RAPGEF5: variants seen among roughly 807,000 people sequenced by gnomAD.
RAPGEF5 encodes M-Ras-regulated GEF.
A neutral mutation model predicts 125.2 loss-of-function variants in RAPGEF5; 65 were observed. The ratio of observed to expected loss-of-function variants is 0.52; its 90% CI spans 0.43 to 0.64. The LOEUF is 0.64. Among genes scored for constraint, RAPGEF5 ranks in the 30% least tolerant of loss-of-function variants. The probability of loss-of-function intolerance (pLI) is 0.00; values close to 1 mark genes in which losing one functional copy is unlikely to be tolerated. For synonymous variants in RAPGEF5, 391 were observed against 385.9 expected (o/e 1.01, Z -0.16); for missense variants, 958 against 1,048.1 (o/e 0.91, Z 1.19).
At chr7:22,337,088 C>T (rs528989260) in intron 1 of RAPGEF5, among the ~76,000 whole-genome samples, 10 of 152,290 alleles carry the variant, frequency 6.6e-5, no homozygotes, top group South Asian at 4.1e-4. Flanking sequence ...GAGTATAATA[C>T]GCGTCAAGCT....
At chr7:22,137,853 A>AT in intron 21 of RAPGEF5, among the ~76,000 whole-genome samples, 1 of 152,176 alleles carries the variant, frequency 6.6e-6, no homozygotes, top group Non-Finnish European at 1.5e-5. Context: ...TATTTCTGGG[A>AT]TTTTTTGTTT....
At chr7:22,303,574 A>G (rs1342092322) in intron 5 of RAPGEF5, among the ~76,000 whole-genome samples, 4 of 152,210 alleles carry the variant, frequency 2.6e-5, no homozygotes, top group South Asian at 4.1e-4. Flanking sequence ...AAGACAGCAA[A>G]TTAGAGGGGC....
At chr7:22,193,294 C>A in intron 11 of RAPGEF5, 73 bp downstream of exon 11, 1 of 1,483,786 alleles carries the variant, frequency 6.7e-7, no homozygotes, top group African/African-American at 1.4e-5. Flanking sequence ...ACAGTGGGAA[C>A]CTTGCCCCTG....
chr7:22,149,269 C>T (rs956765380), intron 18 of RAPGEF5, among the ~76,000 whole-genome samples: 5 of 152,156 alleles, frequency 3.3e-5, no homozygotes, highest in African/African-American at 1.2e-4. Context: ...AAATGTCTTT[C>T]CAGTAGACAT....
chr7:22,328,510 T>C (rs924370806), intron 1 of RAPGEF5, among the ~76,000 whole-genome samples: 1 of 152,218 alleles, frequency 6.6e-6, no homozygotes, highest in Non-Finnish European at 1.5e-5. Flanking sequence ...TCAATTTTTG[T>C]ATATACAAAC....
At chr7:22,266,066 T>A (rs1367553003) in intron 7 of RAPGEF5, among the ~76,000 whole-genome samples, 1 of 152,150 alleles carries the variant, frequency 6.6e-6, no homozygotes, top group Non-Finnish European at 1.5e-5. Flanking sequence ...GTTCAAATAG[T>A]AACTGAGAAA....
intron 8 of RAPGEF5, among the ~76,000 whole-genome samples, chr7:22,226,667 G>C (rs1196006389): frequency 1.3e-5 from 2 of 152,138 alleles, no homozygotes; most frequent in Non-Finnish European, 2.9e-5. Flanking sequence ...GGAATCCCTA[G>C]GGAGTCACTG....
At chr7:22,269,269 A>G (rs113186356) in intron 6 of RAPGEF5, among the ~76,000 whole-genome samples, 1 of 151,928 alleles carries the variant, frequency 6.6e-6, no homozygotes, top group Non-Finnish European at 1.5e-5. Flanking sequence ...CAGACCACAC[A>G]CTGGGTAAGA....
At position 22,144,402 on chromosome 7, in the gene RAPGEF5, C is replaced by T. The variant is rs193090649; in HGVS notation, c.2186+642G>A. Among the ~76,000 whole-genome samples, 170 of 152,282 alleles carry T rather than the reference C, an allele frequency of 1.1e-3. 1 individual carries two copies. The highest frequency in any genetic ancestry group is 3.9e-3 in the African/African-American group (163 of 41,550). ...AAGTAGTACCCCTGCATTTGAAAAT[C>T]GGGTAACTTCAGGAAGGAAGGAATA... On this transcript the variant is annotated intron_variant, in intron 20 of 25. Coordinates refer to ENST00000665637, the MANE Select transcript of RAPGEF5 (RefSeq NM_012294.5).
At chr7:22,211,125 AAAC>A (rs1400572510) in intron 9 of RAPGEF5, among the ~76,000 whole-genome samples, 1 of 152,174 alleles carries the variant, frequency 6.6e-6, no homozygotes, top group Non-Finnish European at 1.5e-5. Flanking sequence ...TGCTATCTTA[AAAC>A]AACATTTAGG....
intron 9 of RAPGEF5, among the ~76,000 whole-genome samples, chr7:22,205,254 G>C (rs1038858541): frequency 1.3e-5 from 2 of 152,166 alleles, no homozygotes; most frequent in Non-Finnish European, 2.9e-5. Context: ...GTATTACAAA[G>C]TGACTACCGG....
At chr7:22,280,020 G>C (rs886431473) in intron 6 of RAPGEF5, among the ~76,000 whole-genome samples, 3 of 152,110 alleles carry the variant, frequency 2.0e-5, no homozygotes, top group African/African-American at 7.2e-5. Context: ...TTGGAAACAG[G>C]CCTCCCGAAA....
At chr7:22,127,361 C>T (rs1782781796) in intron 24 of RAPGEF5, among the ~76,000 whole-genome samples, 1 of 152,174 alleles carries the variant, frequency 6.6e-6, no homozygotes, top group South Asian at 2.1e-4. Context: ...CTTAAATGTA[C>T]AGCTGCTTTG....
intron 6 of RAPGEF5, among the ~76,000 whole-genome samples, chr7:22,278,142 G>A (rs913883748): frequency 6.6e-6 from 1 of 151,970 alleles, no homozygotes; most frequent in African/African-American, 2.4e-5. Flanking sequence ...ACTTTCTCCT[G>A]TTGTACCCAA....
At chr7:22,124,229 T>C (rs898787746) in intron 25 of RAPGEF5, among the ~76,000 whole-genome samples, 2 of 152,192 alleles carry the variant, frequency 1.3e-5, no homozygotes, top group African/African-American at 2.4e-5. Flanking sequence ...GAGACTGATA[T>C]CTTAGAATTA....
At chr7:22,260,385 AG>A in intron 7 of RAPGEF5, among the ~76,000 whole-genome samples, 1 of 152,262 alleles carries the variant, frequency 6.6e-6, no homozygotes, top group African/African-American at 2.4e-5. Context: ...GTGGGGCAGG[AG>A]GTATAAAGCA....
chr7:22,158,933 A>C (rs1783898202), intron 14 of RAPGEF5, among the ~76,000 whole-genome samples: 1 of 152,212 alleles, frequency 6.6e-6, no homozygotes, highest in Non-Finnish European at 1.5e-5. Context: ...TGTGCCTGCC[A>C]AGAATCATTT....
At chr7:22,340,435 A>T (rs1234078902) in intron 1 of RAPGEF5, among the ~76,000 whole-genome samples, 6 of 152,212 alleles carry the variant, frequency 3.9e-5, no homozygotes, top group Non-Finnish European at 8.8e-5. Flanking sequence ...CTGAAGACCA[A>T]ACCAGAGAAG....
At chr7:22,237,627 C>T (rs1786226919) in intron 7 of RAPGEF5, among the ~76,000 whole-genome samples, 1 of 152,070 alleles carries the variant, frequency 6.6e-6, no homozygotes, top group South Asian at 2.1e-4. Flanking sequence ...CTATATTAGC[C>T]CCTAGTTTTA....
Sources: gnomAD v4.1 joint callset for allele counts (sites outside exome capture counted in the v4.1 genomes callset) on GRCh38, gnomAD v4.1.1 for gene constraint, MANE v1.5 for transcripts, NCBI Gene and HGNC (gene_info 2026-07-23, HGNC 2026-07-21) for gene names.